Variants in TET2 observed in about 807,000 individuals in gnomAD.
TET2 encodes the protein tet methylcytosine dioxygenase 2.
Under a neutral mutation model 142.9 loss-of-function variants are expected in TET2, and 299 were observed. The ratio of observed to expected loss-of-function variants is 2.09; its 90% confidence interval spans 1.90 to 2.30. The LOEUF (loss-of-function observed/expected upper bound fraction) is 2.30, where lower values mean the gene tolerates loss of function less well. Ranked by LOEUF, TET2 falls within the 30% of genes most tolerant of loss-of-function variation. TET2 has a pLI of 0.00. For synonymous variants in TET2, 819 were observed against 849.0 expected (o/e 0.96, Z 0.61); for missense variants, 2,418 against 2,378.0 (o/e 1.02, Z -0.35).
chr4:105,170,694 G>A (rs1489738863), intron 1 of TET2, among the ~76,000 whole-genome samples: 3 of 152,152 alleles, frequency 2.0e-5, no homozygotes, highest in Non-Finnish European at 4.4e-5. Flanking sequence ...TTCTGGAGCC[G>A]AGGAAACATT....
intron 2 of TET2, among the ~76,000 whole-genome samples, chr4:105,230,588 A>G (rs1038888148): frequency 2.0e-5 from 3 of 152,326 alleles, no homozygotes; most frequent in East Asian, 3.9e-4. Context: ...TTTATGAGCA[A>G]TAGTAGATAT....
Position 105,275,342 on chromosome 4 carries a change from C to A in TET2, c.4832C>A (p.Ser1611Tyr), listed in dbSNP as rs527895107. 32 of 1,551,774 alleles carry A rather than the reference C, an allele frequency of 2.1e-5. No individual in the cohort carries two copies. The highest frequency in any genetic ancestry group is 1.6e-4 in the Admixed American group (8 of 51,004). Reference protein sequence around the residue: ...SSQAAGSYLNSSNPMNPYPGL... With the variant: ...SSQAAGSYLNYSNPMNPYPGL... ...CAAGCTGCAGGTTCATATTTGAATT[C>A]TTCTAATCCCATGAACCCTTACCCT... Residue 1611 changes from serine to tyrosine, a missense_variant, in exon 11 of 11, where the codon TCT becomes TAT. By Grantham distance (144) the Ser-to-Tyr change is moderately radical. Coordinates refer to ENST00000380013, the MANE Select transcript of TET2 (RefSeq NM_001127208.3).
At chr4:105,186,449 T>A (rs1725452872) in intron 1 of TET2, among the ~76,000 whole-genome samples, 1 of 151,358 alleles carries the variant, frequency 6.6e-6, no homozygotes, top group Non-Finnish European at 1.5e-5. Flanking sequence ...ACTCAGTGTA[T>A]AAGCTGACTG....
At chr4:105,269,496 ATATT>A in intron 8 of TET2, 110 bp from the exon 9 acceptor site, 3 of 1,105,420 alleles carry the variant, frequency 2.7e-6, no homozygotes, top group Admixed American at 5.3e-5. Context: ...TTCTGGATAT[ATATT>A]TAAGTTCAAA....
chr4:105,173,963 T>C (rs1315856038), intron 1 of TET2, among the ~76,000 whole-genome samples: 1 of 152,186 alleles, frequency 6.6e-6, no homozygotes, highest in Non-Finnish European at 1.5e-5. Flanking sequence ...AAATGATGTA[T>C]GTATTTCTTA....
intron 6 of TET2, among the ~76,000 whole-genome samples, chr4:105,251,994 A>G (rs1336335675): frequency 6.6e-6 from 1 of 152,204 alleles, no homozygotes; most frequent in Non-Finnish European, 1.5e-5. Context: ...ATCCTTTACC[A>G]GAATGGTACA....
chr4:105,270,959 T>G (rs1388275247), intron 9 of TET2, among the ~76,000 whole-genome samples: 1 of 152,098 alleles, frequency 6.6e-6, no homozygotes, highest in Non-Finnish European at 1.5e-5. Context: ...AAGAAGCTGG[T>G]GTGAAGTTTT....
At chr4:105,242,056 A>G (rs893741685) in intron 4 of TET2, 17 of 1,230,264 alleles carry the variant, frequency 1.4e-5, no homozygotes, top group Non-Finnish European at 1.6e-5. Flanking sequence ...AAATTTATAC[A>G]GCTCTGAGCT....
At chr4:105,162,867 A>G (rs1270512895) in intron 1 of TET2, among the ~76,000 whole-genome samples, 3 of 152,238 alleles carry the variant, frequency 2.0e-5, no homozygotes, top group Non-Finnish European at 4.4e-5. Flanking sequence ...CTGCAATAAT[A>G]CGGGGAGAAA....
intron 8 of TET2, 55 bp downstream of exon 8, chr4:105,261,903 C>A: frequency 1.0e-6 from 1 of 1,003,474 alleles, no homozygotes; most frequent in Non-Finnish European, 1.5e-6. Context: ...TTACTAATGA[C>A]CTATGTCCAA....
chr4:105,147,313 C>G (rs1383060074), intron 1 of TET2: 2 of 152,232 alleles, frequency 1.3e-5, no homozygotes, highest in East Asian at 1.9e-4. Flanking sequence ...AATTTGCTTT[C>G]CTTTCTAAAA....
At chr4:105,240,321 G>A in intron 3 of TET2, 1 of 1,060,626 alleles carries the variant, frequency 9.4e-7, no homozygotes. Flanking sequence ...AGGTATGCCT[G>A]TATTTTTAAA....
intron 2 of TET2, among the ~76,000 whole-genome samples, chr4:105,199,823 T>C (rs7670504): frequency 0.039 from 5,917 of 152,244 alleles, 410 homozygotes; most frequent in African/African-American, 0.13. Context: ...TAGTTTGCTA[T>C]GGATAATGGC....
At chr4:105,240,776 C>T in intron 3 of TET2, 1 of 1,079,690 alleles carries the variant, frequency 9.3e-7, no homozygotes, top group Non-Finnish European at 1.1e-6. Flanking sequence ...TTTCTCTCAT[C>T]ATAAATTGTT....
chr4:105,216,288 G>C (rs145310766), intron 2 of TET2, among the ~76,000 whole-genome samples: 116 of 152,162 alleles, frequency 7.6e-4, no homozygotes, highest in Middle Eastern at 3.4e-3. Context: ...AACAGGTCGG[G>C]GGGAGGAGAG....
At chr4:105,241,224 T>G (rs1019919881) in intron 3 of TET2, 115 bp from the exon 4 acceptor site, 15 of 1,345,254 alleles carry the variant, frequency 1.1e-5, no homozygotes, top group Non-Finnish European at 1.2e-5. Flanking sequence ...AAAAAAAAAT[T>G]TTAAAGTCAC....
At chr4:105,207,034 G>A (rs78266895) in intron 2 of TET2, among the ~76,000 whole-genome samples, 1 of 152,108 alleles carries the variant, frequency 6.6e-6, no homozygotes, top group Non-Finnish European at 1.5e-5. Flanking sequence ...CTCTTCAAGT[G>A]AAGCTTCAGA....
Position 105,218,388 on chromosome 4 carries a change from T to C in TET2, c.-46-15509T>C, listed in dbSNP as rs189396606. Among the ~76,000 whole-genome samples the C allele has an allele frequency of 4.6e-5, 7 of 152,226 alleles. No homozygotes were observed. The East Asian group carries it at 1.3e-3, about 29-fold the overall frequency. On this transcript the variant is annotated intron_variant, in intron 2 of 10. Coordinates refer to ENST00000380013, the MANE Select transcript of TET2 (RefSeq NM_001127208.3). The stretch of plus-strand genomic sequence containing the variant: ...GGCTCAGAAGTTGGACAAGGCTGCA[T>C]TTTATATCTACTTCTTCCTCATGTC...
At position 105,275,914 on chromosome 4, in the gene TET2, C is replaced by G. The variant is rs1380005624; in HGVS notation, c.5404C>G (p.Pro1802Ala). 2 of 1,552,018 alleles carry G rather than the reference C, an allele frequency of 1.3e-6. No individual in the cohort carries two copies. The highest frequency in any genetic ancestry group is 3.9e-5 in the Admixed American group (2 of 51,000). Residue 1802 changes from proline to alanine, a missense_variant, in exon 11 of 11, where the codon CCA becomes GCA. Transcript: ENST00000380013. ...AGCTAATGGGTTATCAAAGATGCTT[C>G]CAGCTCTTAACCATGATAGAACTGC... ...HTANGLSKML[P>A]ALNHDRTACV...
Sources: allele counts gnomAD v4.1 joint callset (sites outside exome capture counted in the v4.1 genomes callset), GRCh38; gene constraint gnomAD v4.1.1; transcripts MANE v1.5; gene names NCBI Gene and HGNC (gene_info 2026-07-23, HGNC 2026-07-21).